The following PPFIA1 variants were observed in gnomAD, a reference collection of about 807,000 sequenced individuals.
PPFIA1 encodes the protein PPFI scaffold protein A1, also known as liprin-alpha-1.
A neutral mutation model predicts 149.9 loss-of-function variants in PPFIA1; 25 were observed. The observed-to-expected ratio is 0.17, with a 90% CI of 0.12 to 0.23. PPFIA1 has a LOEUF of 0.23. Among genes scored for constraint, PPFIA1 ranks in the 10% least tolerant of loss-of-function variants. PPFIA1 has a pLI of 1.00. For missense variants in PPFIA1, 1,362 were observed against 1,506.5 expected (o/e 0.90, Z 1.59); for synonymous variants, 549 against 552.8 (o/e 0.99, Z 0.10).
Position 70,272,329 on chromosome 11 carries a change from A to G in PPFIA1, c.157A>G (p.Thr53Ala), listed in dbSNP as rs138949843. Residue 53 changes from threonine (T) to alanine (A), a missense_variant, in exon 2 of 28, where the codon ACA becomes GCA. Transcript: ENST00000253925. ...AGAAGAAAGGGACCGCCTTCTTGATACACTGAGAGAGACTCAAGAAACGCT... is the reference window on the plus strand; with the variant it reads ...AGAAGAAAGGGACCGCCTTCTTGATGCACTGAGAGAGACTCAAGAAACGCT... ...MLEERDRLLD[T>A]LRETQETLAL... 8 of 1,614,080 alleles carry G rather than the reference A, an allele frequency of 5.0e-6. No individual in the cohort carries two copies. The African/African-American group carries it at 1.1e-4, about 22-fold the overall frequency.
chr11:70,301,726 T>C (rs2052496054), intron 2 of PPFIA1, among the ~76,000 whole-genome samples: 1 of 152,164 alleles, frequency 6.6e-6, no homozygotes, highest in South Asian at 2.1e-4. Context: ...GAGAGGAAAT[T>C]CTTAATAAAG....
intron 21 of PPFIA1, among the ~76,000 whole-genome samples, chr11:70,371,049 C>A (rs1362955566): frequency 6.6e-6 from 1 of 152,166 alleles, no homozygotes; most frequent in African/African-American, 2.4e-5. Flanking sequence ...CGGAGAATGA[C>A]TTGAACCCTG....
At chr11:70,292,848 C>T (rs1475900783) in intron 2 of PPFIA1, among the ~76,000 whole-genome samples, 2 of 152,218 alleles carry the variant, frequency 1.3e-5, no homozygotes, top group Non-Finnish European at 2.9e-5. Flanking sequence ...AAAGTGGGCA[C>T]AACAGTATCC....
At chr11:70,310,775 G>A (rs552325370) in intron 2 of PPFIA1, among the ~76,000 whole-genome samples, 3 of 152,150 alleles carry the variant, frequency 2.0e-5, no homozygotes, top group Admixed American at 6.6e-5. Flanking sequence ...TTCAAGCTGC[G>A]GTTGGTAGTG....
intron 2 of PPFIA1, among the ~76,000 whole-genome samples, chr11:70,297,733 G>T (rs1236316878): frequency 1.3e-5 from 2 of 152,180 alleles, no homozygotes; most frequent in African/African-American, 2.4e-5. Context: ...GGTTAGCCAG[G>T]CCCTGCTAGC....
At chr11:70,303,030 T>A (rs2052591609) in intron 2 of PPFIA1, among the ~76,000 whole-genome samples, 1 of 152,200 alleles carries the variant, frequency 6.6e-6, no homozygotes, top group African/African-American at 2.4e-5. Flanking sequence ...TAAGACCATG[T>A]CACAGGCTGA....
At chr11:70,332,904 T>G in intron 9 of PPFIA1, 1 of 402,944 alleles carries the variant, frequency 2.5e-6, no homozygotes, top group South Asian at 1.8e-5. Flanking sequence ...ACCTGTTCCT[T>G]CTAGCAAGTT....
intron 7 of PPFIA1, 43 bp downstream of exon 7, chr11:70,326,861 G>A (rs375868414): frequency 6.6e-7 from 1 of 1,517,448 alleles, no homozygotes; most frequent in Non-Finnish European, 9.1e-7. Context: ...GAAGTTGTAT[G>A]TTTGGGACGT....
At chr11:70,377,028 G>A (rs1006685559) in intron 25 of PPFIA1, among the ~76,000 whole-genome samples, 1 of 151,656 alleles carries the variant, frequency 6.6e-6, no homozygotes, top group African/African-American at 2.4e-5. Flanking sequence ...AGCTGAGATC[G>A]CACCACTGCC....
intron 2 of PPFIA1, among the ~76,000 whole-genome samples, chr11:70,319,633 G>A (rs1273990958): frequency 6.6e-6 from 1 of 152,088 alleles, no homozygotes; most frequent in African/African-American, 2.4e-5. Context: ...GACTTTACCA[G>A]TTTTGCCCCA....
Position 70,270,730 on chromosome 11 carries a change from T to C in PPFIA1, c.-185T>C, listed in dbSNP as rs1391142916. The C allele has an allele frequency of 6.7e-6, 1 of 150,130 alleles. No individual in the cohort carries two copies. The highest frequency in any genetic ancestry group is 1.5e-5 in the Non-Finnish European group (1 of 67,502). The allele number at this position is 150,130 out of a possible 1,614,324, so 9.3% of individuals were successfully genotyped here. On this transcript the variant is annotated 5_prime_UTR_variant, in exon 1 of 28. Transcript: ENST00000253925. ...GCAGCCGGGCCCGCTCCTCCTCCGCTCCGCCAGTGTCCGGCCGCGGGCCGG... is the reference window on the plus strand; with the variant it reads ...GCAGCCGGGCCCGCTCCTCCTCCGCCCCGCCAGTGTCCGGCCGCGGGCCGG...
intron 2 of PPFIA1, chr11:70,321,217 C>G (rs2053920139): frequency 6.6e-6 from 1 of 152,434 alleles, no homozygotes; most frequent in African/African-American, 2.4e-5. Context: ...GGCAGTTGGG[C>G]CCTCACCAGA....
At chr11:70,353,333 A>G (rs574078894) in intron 16 of PPFIA1, among the ~76,000 whole-genome samples, 57 of 152,350 alleles carry the variant, frequency 3.7e-4, no homozygotes, top group African/African-American at 1.3e-3. Flanking sequence ...CACACCTGCA[A>G]ATAGCCACTG....
intron 13 of PPFIA1, among the ~76,000 whole-genome samples, chr11:70,338,942 T>G (rs2055143803): frequency 6.6e-6 from 1 of 152,218 alleles, no homozygotes; most frequent in African/African-American, 2.4e-5. Flanking sequence ...ACCTTGGCTG[T>G]CTGCACAGCT....
chr11:70,355,867 G>C, intron 18 of PPFIA1, 56 bp downstream of exon 18: 1 of 1,556,968 alleles, frequency 6.4e-7, no homozygotes, highest in Non-Finnish European at 8.7e-7. Flanking sequence ...GGAAGGCACT[G>C]CCTTCGGTGC....
intron 13 of PPFIA1, 80 bp from the exon 14 acceptor site, chr11:70,339,091 T>C: frequency 3.4e-5 from 53 of 1,541,864 alleles, no homozygotes; most frequent in Non-Finnish European, 4.5e-5. Context: ...CTTTTCCAAA[T>C]TGATAGATTC....
In PPFIA1 at chr11:70,324,447, C is replaced by T. The variant is rs2054146132; in HGVS notation, c.310C>T (p.Leu104Phe). Residue 104 changes from leucine to phenylalanine, a missense_variant, in exon 3 of 28, where the codon CTC becomes TTC. By Grantham distance (22) the Leu-to-Phe change is conservative. Coordinates refer to ENST00000253925, the MANE Select transcript of PPFIA1 (RefSeq NM_003626.5). ...TKELNVCREQ[L>F]LEREEEIAEL... is the part of the protein sequence containing the mutation. ...AGAACTCAATGTATGCAGGGAACAG[C>T]TCCTTGAAAGGGAAGAAGAAATTGC... 6.2e-7 allele frequency: 1 copy of T among 1,613,782 alleles called. No individual in the cohort carries two copies. Among genetic ancestry groups the T allele is most frequent in the Non-Finnish European group, 8.5e-7 (1 of 1,179,786 alleles).
chr11:70,370,418 G>A (rs947809004), intron 21 of PPFIA1, among the ~76,000 whole-genome samples: 37 of 151,268 alleles, frequency 2.4e-4, no homozygotes, highest in African/African-American at 7.8e-4. Flanking sequence ...ACAGAGTCTC[G>A]CTCTATCTCC....
intron 21 of PPFIA1, among the ~76,000 whole-genome samples, chr11:70,368,952 CT>C (rs35915106): frequency 0.42 from 57,463 of 138,258 alleles, 12,509 homozygotes; most frequent in African/African-American, 0.61. Flanking sequence ...CACAGTCAGT[CT>C]TTTTTTTTTT....
Sources: gnomAD v4.1 joint callset for allele counts (sites outside exome capture counted in the v4.1 genomes callset) on GRCh38, gnomAD v4.1.1 for gene constraint, MANE v1.5 for transcripts, NCBI Gene and HGNC (gene_info 2026-07-23, HGNC 2026-07-21) for gene names.